Variants in IGSF10 observed in about 807,000 individuals in gnomAD.
IGSF10 encodes the protein immunoglobulin superfamily member 10, also known as calvaria mechanical force protein 608.
Under a neutral mutation model 128.2 loss-of-function variants are expected in IGSF10, and 126 were observed. The ratio of observed to expected loss-of-function variants is 0.98; its 90% CI spans 0.85 to 1.14. IGSF10 has a LOEUF of 1.14. Among genes scored for constraint, IGSF10 ranks in the 50% most tolerant of loss-of-function variants. The pLI, the probability that IGSF10 is intolerant of heterozygous loss-of-function variation, is 0.00. For missense variants in IGSF10, 3,295 were observed against 3,149.8 expected (o/e 1.05, Z -1.10); for synonymous variants, 1,185 against 1,146.2 (o/e 1.03, Z -0.68).
downstream of IGSF10, chr3:151,434,694 T>A (rs1719899151): frequency 6.6e-6 from 1 of 152,202 alleles, no homozygotes; most frequent in African/African-American, 2.4e-5. Flanking sequence ...AGTGAGTGAG[T>A]CATGTTCCAT....
chr3:151,467,897 AAAG>A, the IGSF10 span, among the ~76,000 whole-genome samples: 1 of 151,998 alleles, frequency 6.6e-6, no homozygotes, highest in Non-Finnish European at 1.5e-5. Flanking sequence ...AAAAAAGAAA[AAAG>A]AAAAAAGAAA....
At chr3:151,574,749 C>A in the IGSF10 span, among the ~76,000 whole-genome samples, 1 of 152,308 alleles carries the variant, frequency 6.6e-6, no homozygotes, top group East Asian at 1.9e-4. Context: ...CCCTGTCCAG[C>A]TTTGTTCCAT....
the IGSF10 span, among the ~76,000 whole-genome samples, chr3:151,591,426 T>C: frequency 6.8e-6 from 1 of 146,862 alleles, no homozygotes; most frequent in Non-Finnish European, 1.5e-5. Flanking sequence ...TATATTTATA[T>C]AAAAATATAT....
chr3:151,555,141 G>A, the IGSF10 span, among the ~76,000 whole-genome samples: 1 of 152,148 alleles, frequency 6.6e-6, no homozygotes, highest in African/African-American at 2.4e-5. Flanking sequence ...TGGAAAAATT[G>A]TGTCCCATTA....
chr3:151,483,852 T>A, the IGSF10 span, among the ~76,000 whole-genome samples: 1 of 152,126 alleles, frequency 6.6e-6, no homozygotes, highest in Non-Finnish European at 1.5e-5. Flanking sequence ...GGGCCCTGGG[T>A]TTCCAGCACA....
At chr3:151,432,770 G>T, downstream of IGSF10, 3 of 1,613,348 alleles carry the variant, frequency 1.9e-6, no homozygotes. Context: ...CCACAGCAAG[G>T]AGTGACTCCG....
At chr3:151,562,768 C>A in the IGSF10 span, among the ~76,000 whole-genome samples, 1 of 151,838 alleles carries the variant, frequency 6.6e-6, no homozygotes, top group Non-Finnish European at 1.5e-5. Flanking sequence ...GGGAAGGCAC[C>A]AATGCACCAT....
At chr3:151,548,640 T>C in the IGSF10 span, among the ~76,000 whole-genome samples, 10 of 152,216 alleles carry the variant, frequency 6.6e-5, no homozygotes, top group Non-Finnish European at 1.5e-4. Flanking sequence ...ATTTCACTCA[T>C]TGTAAGTCAA....
chr3:151,530,209 T>C, the IGSF10 span, among the ~76,000 whole-genome samples: 2 of 152,018 alleles, frequency 1.3e-5, no homozygotes, highest in South Asian at 4.1e-4. Flanking sequence ...TATGGGACTA[T>C]GTGAAAAGAC....
At chr3:151,598,147 C>T in the IGSF10 span, among the ~76,000 whole-genome samples, 4 of 143,960 alleles carry the variant, frequency 2.8e-5, no homozygotes, top group South Asian at 9.4e-4. Context: ...CATTTTTTTG[C>T]TTCTTCCCCC....
upstream of IGSF10, among the ~76,000 whole-genome samples, chr3:151,462,462 C>T (rs1454825782): frequency 2.0e-5 from 3 of 152,198 alleles, no homozygotes; most frequent in Admixed American, 1.3e-4. Flanking sequence ...AAATGTTTTA[C>T]AAATACCAAC....
At chr3:151,535,614 T>C in the IGSF10 span, among the ~76,000 whole-genome samples, 1 of 152,146 alleles carries the variant, frequency 6.6e-6, no homozygotes, top group Non-Finnish European at 1.5e-5. Flanking sequence ...AATTATTTTA[T>C]TTAAAATAAG....
At chr3:151,535,060 T>C in the IGSF10 span, among the ~76,000 whole-genome samples, 1 of 152,128 alleles carries the variant, frequency 6.6e-6, no homozygotes, top group African/African-American at 2.4e-5. Context: ...TTCTCATCTA[T>C]AAAATTAAAG....
rs1720477943 is a variant in IGSF10, at chr3:151,437,715, T to C, written c.6846A>G (p.Thr2282=). The C allele has an allele frequency of 6.2e-7, 1 of 1,614,164 alleles. No individual in the cohort carries two copies. Among genetic ancestry groups the C allele is most frequent in the Admixed American group, 1.7e-5 (1 of 60,014 alleles). Residue 2282 remains threonine, a synonymous_variant, in exon 8 of 8, where the codon ACA becomes ACG. Transcript: ENST00000282466. ...TGATTCTGCTTCCATAGTATGGGGC[T>C]GTGAGGAAAATATTGTCTGGCATGA... ...MWIMPDNIFL[T]APYYGSRITV...
At chr3:151,451,802 T>A (rs1190825323) in intron 5 of IGSF10, among the ~76,000 whole-genome samples, 1 of 152,184 alleles carries the variant, frequency 6.6e-6, no homozygotes, top group Admixed American at 6.5e-5. Flanking sequence ...GGTTGTCAAG[T>A]ATGTAAAAAA....
chr3:151,446,075 T>C lies in IGSF10; in HGVS notation c.3906A>G (p.Ile1302Met), dbSNP rs1192755692. 2 of 1,614,042 alleles carry C rather than the reference T, an allele frequency of 1.2e-6. No individual in the cohort carries two copies. Among genetic ancestry groups the C allele is most frequent in the East Asian group, 4.5e-5 (2 of 44,902 alleles). ...TGCTTTTTGTACTTGAGTCTTTGCTTATAATACTAGGAAGCATAGGGTTAA... is the reference window on the plus strand; with the variant it reads ...TGCTTTTTGTACTTGAGTCTTTGCTCATAATACTAGGAAGCATAGGGTTAA... Reference protein sequence around the residue: ...PPLNPMLPSIISKDSSTKSII... With the variant: ...PPLNPMLPSIMSKDSSTKSII... Residue 1302 changes from isoleucine to methionine, a missense_variant, in exon 6 of 8, where the codon ATA (isoleucine) becomes ATG (methionine). Physicochemically the swap from Ile to Met is conservative, Grantham distance 10. Coordinates refer to ENST00000282466, the MANE Select transcript of IGSF10 (RefSeq NM_178822.5).
In IGSF10 at chr3:151,438,448, G is replaced by T. The variant is rs756157146; in HGVS notation, c.6113C>A (p.Ala2038Asp). ...AAAATACTGCTTGTGGTCAATTTTG[G>T]CAGGTTTCAGTCTTAGGCTAACATG... is the stretch of plus-strand genomic sequence containing the variant. ...LMHVSLRLKP[A>D]KIDHKQYFRK... Residue 2038 changes from alanine (A) to aspartate (D), a missense_variant, in exon 8 of 8, where the codon GCC becomes GAC. Ala to Asp is a moderately radical substitution (Grantham distance 126). Coordinates refer to ENST00000282466, the MANE Select transcript of IGSF10 (RefSeq NM_178822.5). 2 of 1,614,046 alleles carry T rather than the reference G, an allele frequency of 1.2e-6. No individual in the cohort carries two copies. Among genetic ancestry groups the T allele is most frequent in the East Asian group, 4.5e-5 (2 of 44,872 alleles).
the IGSF10 span, among the ~76,000 whole-genome samples, chr3:151,589,002 G>A: frequency 6.6e-6 from 1 of 151,980 alleles, no homozygotes; most frequent in Non-Finnish European, 1.5e-5. Context: ...AATAATCTTA[G>A]GAAGATATAA....
rs148699040 is a variant in IGSF10 at position 151,458,573 on chromosome 3, C to A, written c.137G>T (p.Arg46Leu). ...GCTGTCTGGGATGGAAGTCAGGTAC[C>A]GAAATGTGCAGTGTACCTCCGTAGG... is the stretch of plus-strand genomic sequence containing the variant. ...YMPTEVHCTF[R>L]YLTSIPDSIP... Residue 46 changes from arginine (R) to leucine (L), a missense_variant, in exon 3 of 8, where the codon CGG becomes CTG. Arg to Leu is a moderately radical substitution (Grantham distance 102). Transcript: ENST00000282466. 6.2e-7 allele frequency: 1 copy of A among 1,614,040 alleles called. No individual in the cohort carries two copies. The highest frequency in any genetic ancestry group is 8.5e-7 in the Non-Finnish European group (1 of 1,179,992).
Sources: gnomAD v4.1 joint callset for allele counts (sites outside exome capture counted in the v4.1 genomes callset) on GRCh38, gnomAD v4.1.1 for gene constraint, MANE v1.5 for transcripts, NCBI Gene and HGNC (gene_info 2026-07-23, HGNC 2026-07-21) for gene names.